ZFAT: variants seen among roughly 807,000 people sequenced by gnomAD.
ZFAT encodes the protein zinc finger protein ZFAT.
Under a neutral mutation model 117.7 loss-of-function variants are expected in ZFAT, and 64 were observed. The ratio of observed to expected loss-of-function variants is 0.54; its 90% CI spans 0.44 to 0.67. The LOEUF is 0.67. Ranked by LOEUF, ZFAT falls within the 30% of genes least tolerant of loss-of-function variation. The pLI is 0.00. For synonymous variants in ZFAT, 679 were observed against 615.0 expected (o/e 1.10, Z -1.54); for missense variants, 1,433 against 1,584.5 (o/e 0.90, Z 1.62).
At chr8:134,569,770 C>CCTGT (rs1824747571) in intron 10 of ZFAT, among the ~76,000 whole-genome samples, 1 of 152,166 alleles carries the variant, frequency 6.6e-6, no homozygotes, top group South Asian at 2.1e-4. Context: ...CAGTGCCCTC[C>CCTGT]AGACCTGTAC....
Position 134,579,788 on chromosome 8 carries a change from CA to C in ZFAT, c.2887+4043del, listed in dbSNP as rs1242564852. Among the ~76,000 whole-genome samples the C allele has an allele frequency of 8.6e-5, 13 of 151,870 alleles. No homozygotes were observed. In the South Asian group the frequency reaches 1.7e-3, roughly 19 times the overall value. ...CAACATGGCGAAACCCCATCTCTAC[CA>C]AAAACACAAAAATTAGCTGGGTATG... On this transcript the variant is annotated intron_variant, in intron 10 of 15. Transcript: ENST00000377838.
At chr8:134,631,635 G>A (rs1829896834) in intron 3 of ZFAT, among the ~76,000 whole-genome samples, 1 of 152,336 alleles carries the variant, frequency 6.6e-6, no homozygotes, top group African/African-American at 2.4e-5. Context: ...GAACAGGCTG[G>A]CAGCTGCTAG....
chr8:134,800,678 C>T, the ZFAT span: 1 of 396,620 alleles, frequency 2.5e-6, no homozygotes, highest in Non-Finnish European at 5.2e-6. Flanking sequence ...AAAAAAAGAA[C>T]AGGCACAGCA....
the ZFAT span, among the ~76,000 whole-genome samples, chr8:134,769,945 T>C: frequency 2.0e-5 from 3 of 152,146 alleles, no homozygotes; most frequent in African/African-American, 7.2e-5. Flanking sequence ...TCAGCCACGG[T>C]TGGAGCAGCT....
chr8:134,815,171 G>A, the ZFAT span, among the ~76,000 whole-genome samples: 1 of 152,142 alleles, frequency 6.6e-6, no homozygotes, highest in East Asian at 1.9e-4. Flanking sequence ...AACCAGAGTT[G>A]TACTTTTTAC....
At chr8:134,651,834 G>A (rs1294296241) in intron 2 of ZFAT, among the ~76,000 whole-genome samples, 5 of 152,084 alleles carry the variant, frequency 3.3e-5, no homozygotes, top group South Asian at 2.1e-4. Context: ...CTACCTGGAT[G>A]CATCACAGTA....
At chr8:134,522,322 A>G (rs1444668391) in intron 12 of ZFAT, among the ~76,000 whole-genome samples, 5 of 152,168 alleles carry the variant, frequency 3.3e-5, no homozygotes, top group Non-Finnish European at 7.4e-5. Flanking sequence ...TGTAACATCC[A>G]TTGACTTTAA....
chr8:134,568,488 A>G (rs1824642107), intron 10 of ZFAT, among the ~76,000 whole-genome samples: 1 of 152,212 alleles, frequency 6.6e-6, no homozygotes, highest in South Asian at 2.1e-4. Context: ...AGAGTGGGGG[A>G]AGCAGAGCTG....
upstream of ZFAT, among the ~76,000 whole-genome samples, chr8:134,713,439 A>G (rs981730048): frequency 5.9e-5 from 9 of 152,174 alleles, no homozygotes; most frequent in South Asian, 1.7e-3. Context: ...TGATGTGTCC[A>G]TCGGGGTGCT....
intron 13 of ZFAT, among the ~76,000 whole-genome samples, chr8:134,513,363 A>G (rs1820005051): frequency 6.6e-6 from 1 of 152,054 alleles, no homozygotes; most frequent in Admixed American, 6.5e-5. Flanking sequence ...ACACCTAGCT[A>G]ATTTTTGTAT....
the ZFAT span, among the ~76,000 whole-genome samples, chr8:134,724,436 A>G: frequency 6.6e-6 from 1 of 152,296 alleles, no homozygotes; most frequent in African/African-American, 2.4e-5. Flanking sequence ...GCTGAGAAAG[A>G]AGGTCCTAGG....
At chr8:134,774,979 G>A in the ZFAT span, among the ~76,000 whole-genome samples, 49 of 152,280 alleles carry the variant, frequency 3.2e-4, no homozygotes, top group Non-Finnish European at 6.2e-4. Flanking sequence ...TTAGCCAGCC[G>A]TGGTGGCGTA....
At chr8:134,670,298 C>T (rs1414830335) in intron 1 of ZFAT, among the ~76,000 whole-genome samples, 1 of 152,252 alleles carries the variant, frequency 6.6e-6, no homozygotes, top group African/African-American at 2.4e-5. Context: ...ACAGAATATA[C>T]ATTCTTCTCA....
intron 2 of ZFAT, among the ~76,000 whole-genome samples, chr8:134,643,857 C>CAG (rs1270343281): frequency 6.6e-6 from 1 of 152,242 alleles, no homozygotes; most frequent in East Asian, 1.9e-4. Context: ...ATGAAAGCTC[C>CAG]AGGAATGGAG....
chr8:134,779,750 CTAT>C, the ZFAT span, among the ~76,000 whole-genome samples: 20 of 152,292 alleles, frequency 1.3e-4, no homozygotes, highest in East Asian at 3.7e-3. Context: ...GATAAACTCC[CTAT>C]TATACTTTTA....
rs35292754 is a variant in ZFAT, at chr8:134,680,261, C to CAAAAA, written c.20-22529_20-22525dup. ...TGGGTGACAGAGCCAGACTCCCCCT[C>CAAAAA]AAAAAAAAAAAAAAAAAAAAGAATT... is the stretch of plus-strand genomic sequence containing the variant. On this transcript the variant is annotated intron_variant, in intron 1 of 15. Transcript: ENST00000377838. 1.2e-4 allele frequency among the ~76,000 whole-genome samples: 6 copies of CAAAAA among 48,902 alleles called. 1 individual carries two copies. The highest frequency in any genetic ancestry group is 1.6e-4 in the African/African-American group (2 of 12,784). The allele number at this position is 48,902 out of a possible 152,430, so 32.1% of individuals were successfully genotyped here. A position where few individuals can be genotyped will look rare whatever the true frequency, so the allele number is the denominator to read the frequency against.
chr8:134,588,174 A>C, intron 9 of ZFAT, 72 bp downstream of exon 9: 1 of 1,479,562 alleles, frequency 6.8e-7, no homozygotes, highest in Non-Finnish European at 9.0e-7. Context: ...GCTTCCTCTT[A>C]ATGTACTCCC....
At chr8:134,614,695 A>G (rs1265520091) in intron 3 of ZFAT, among the ~76,000 whole-genome samples, 1 of 152,218 alleles carries the variant, frequency 6.6e-6, no homozygotes, top group Non-Finnish European at 1.5e-5. Flanking sequence ...GCTAGGACCA[A>G]TGGGTAGAGT....
intron 1 of ZFAT, among the ~76,000 whole-genome samples, chr8:134,671,570 C>G (rs1287801809): frequency 6.6e-6 from 1 of 152,180 alleles, no homozygotes; most frequent in Non-Finnish European, 1.5e-5. Flanking sequence ...ATGTTAAAAA[C>G]TCTCAATAAA....
Sources: allele counts gnomAD v4.1 joint callset (sites outside exome capture counted in the v4.1 genomes callset), GRCh38; gene constraint gnomAD v4.1.1; transcripts MANE v1.5; gene names NCBI Gene and HGNC (gene_info 2026-07-23, HGNC 2026-07-21).